PTPRN2: variants seen among roughly 807,000 people sequenced by gnomAD.
The protein encoded by PTPRN2 is protein tyrosine phosphatase receptor type N2.
In PTPRN2, 74 loss-of-function variants were observed where a neutral mutation model predicts 118.8. The observed-to-expected ratio is 0.62, with a 90% CI of 0.52 to 0.76. The LOEUF (loss-of-function observed/expected upper bound fraction) is 0.76. PTPRN2 is among the 30% of genes least tolerant of loss of function. The pLI, the probability that PTPRN2 is intolerant of heterozygous loss-of-function variation, is 0.00. For missense variants in PTPRN2, 1,481 were observed against 1,394.4 expected (o/e 1.06, Z -0.99); for synonymous variants, 641 against 608.0 (o/e 1.05, Z -0.80).
intron 14 of PTPRN2, among the ~76,000 whole-genome samples, chr7:157,650,577 C>G (rs1437092064): frequency 6.6e-6 from 1 of 152,170 alleles, no homozygotes; most frequent in Non-Finnish European, 1.5e-5. Flanking sequence ...GCCGCGTGGC[C>G]CCAGAGTGAA....
Position 158,555,582 on chromosome 7 carries a change from A to G in PTPRN2, c.112+31976T>C, listed in dbSNP as rs1365065166. Among the ~76,000 whole-genome samples, 3 of 152,070 alleles carry G rather than the reference A, an allele frequency of 2.0e-5. No individual in the cohort carries two copies. Among genetic ancestry groups the G allele is most frequent in the African/African-American group, 7.2e-5 (3 of 41,414 alleles). On this transcript the variant is annotated intron_variant, in intron 1 of 22. Transcript: ENST00000389418. The surrounding 1 kb of genome is among the most constrained non-coding windows in gnomAD (Gnocchi z 4.7). Reference sequence around the variant, plus strand: ...TGGCAGAAGAATATATTTCCACTCAACTGGCATCTTCCAGCTGTCCCCCAG... The same window carrying G: ...TGGCAGAAGAATATATTTCCACTCAGCTGGCATCTTCCAGCTGTCCCCCAG...
At chr7:158,237,885 T>C (rs983058775) in intron 3 of PTPRN2, among the ~76,000 whole-genome samples, 2 of 152,114 alleles carry the variant, frequency 1.3e-5, no homozygotes, top group African/African-American at 4.8e-5. Context: ...AAGGACACCC[T>C]TCCCTCACGC....
intron 11 of PTPRN2, among the ~76,000 whole-genome samples, chr7:158,060,623 T>C (rs565767476): frequency 1.3e-5 from 2 of 152,362 alleles, no homozygotes; most frequent in South Asian, 4.1e-4. Flanking sequence ...AATCCACAGG[T>C]AGCAGGGGTT....
At chr7:157,620,940 C>A (rs961734400) in intron 15 of PTPRN2, among the ~76,000 whole-genome samples, 2 of 147,946 alleles carry the variant, frequency 1.4e-5, no homozygotes, top group African/African-American at 5.0e-5. Context: ...CGCCTGTAAC[C>A]CAGGCCTCCT....
At chr7:157,701,502 C>T (rs1798063475) in intron 12 of PTPRN2, among the ~76,000 whole-genome samples, 2 of 152,214 alleles carry the variant, frequency 1.3e-5, no homozygotes, top group South Asian at 4.1e-4. Context: ...ACTGCCATTT[C>T]TGTGCTTCTA....
chr7:158,188,022 C>T (rs1193235848), intron 5 of PTPRN2, among the ~76,000 whole-genome samples: 1 of 152,126 alleles, frequency 6.6e-6, no homozygotes, highest in Non-Finnish European at 1.5e-5. Context: ...GTGGAAGATG[C>T]TCCTCCTCCA....
chr7:157,568,071 G>A (rs1301009481), intron 21 of PTPRN2, among the ~76,000 whole-genome samples: 1 of 152,198 alleles, frequency 6.6e-6, no homozygotes, highest in East Asian at 1.9e-4. Flanking sequence ...AAATGCCAGA[G>A]CTCAATCCCC....
intron 12 of PTPRN2, among the ~76,000 whole-genome samples, chr7:157,783,435 T>TCGTC (rs1803808891): frequency 6.6e-6 from 1 of 151,040 alleles, no homozygotes; most frequent in Non-Finnish European, 1.5e-5. Context: ...AACGCATGTC[T>TCGTC]GAGCCTGATG....
intron 12 of PTPRN2, among the ~76,000 whole-genome samples, chr7:157,790,794 T>C (rs1804439251): frequency 6.6e-6 from 1 of 152,222 alleles, no homozygotes; most frequent in Non-Finnish European, 1.5e-5. Context: ...CTATTTCCTA[T>C]AGACAAATAG....
At chr7:158,192,529 A>G (rs760275602) in intron 4 of PTPRN2, 34 bp from the exon 5 acceptor site, 1 of 1,557,748 alleles carries the variant, frequency 6.4e-7, no homozygotes. Flanking sequence ...CATCAACCGC[A>G]TGTTTGCTGG....
At chr7:157,582,552 G>A (rs573848176) in intron 17 of PTPRN2, among the ~76,000 whole-genome samples, 43 of 152,250 alleles carry the variant, frequency 2.8e-4, no homozygotes, top group African/African-American at 1.0e-3. Context: ...CTATACGGTA[G>A]CAATGTGAGT....
At chr7:157,713,240 T>C (rs1798739933) in intron 12 of PTPRN2, among the ~76,000 whole-genome samples, 1 of 152,036 alleles carries the variant, frequency 6.6e-6, no homozygotes, top group African/African-American at 2.4e-5. Flanking sequence ...TAGCACTGCA[T>C]GGTCCAAAAG....
intron 12 of PTPRN2, among the ~76,000 whole-genome samples, chr7:157,752,440 C>T (rs145213640): frequency 7.5e-4 from 114 of 152,340 alleles, no homozygotes; most frequent in Middle Eastern, 3.4e-3. Context: ...CCTTCCTGGG[C>T]AGCCCAGGCC....
rs1018963818 is a variant in PTPRN2 at position 158,252,009 on chromosome 7, AG to A, written c.278-46737del. 1.4e-4 allele frequency among the ~76,000 whole-genome samples: 22 copies of A among 152,250 alleles called. No homozygotes were observed. In the East Asian group the frequency reaches 3.9e-3, roughly 27 times the overall value. ...CCAGGCTCAGGGCAGGTCCCAGCAA[AG>A]CCCCTTCTTGGCTCTGGCCTCCTCA... On this transcript the variant is annotated intron_variant, in intron 3 of 22. Coordinates refer to ENST00000389418, the MANE Select transcript of PTPRN2 (RefSeq NM_002847.5).
At chr7:158,056,877 G>A (rs1050307593) in intron 11 of PTPRN2, among the ~76,000 whole-genome samples, 1 of 152,242 alleles carries the variant, frequency 6.6e-6, no homozygotes, top group African/African-American at 2.4e-5. Context: ...CAGCATGGTG[G>A]AAGCAGGTGC....
Position 157,808,576 on chromosome 7 carries a change from G to C in PTPRN2, c.1788+90097C>G, listed in dbSNP as rs1198165090. On this transcript the variant is annotated intron_variant, in intron 12 of 22. Coordinates refer to ENST00000389418, the MANE Select transcript of PTPRN2 (RefSeq NM_002847.5). The surrounding 1 kb of genome is among the most constrained non-coding windows in gnomAD (Gnocchi z 5.0). ...CACCCCCAGATGGGACCAGCCAGTT[G>C]CAGGAAAACAAGCTCAGGGCACCCA... 2.0e-5 allele frequency among the ~76,000 whole-genome samples: 3 copies of C among 152,202 alleles called. No individual in the cohort carries two copies. Among genetic ancestry groups the C allele is most frequent in the African/African-American group, 4.8e-5 (2 of 41,440 alleles).
At chr7:158,491,770 G>A (rs536321474) in intron 1 of PTPRN2, among the ~76,000 whole-genome samples, 11 of 152,334 alleles carry the variant, frequency 7.2e-5, no homozygotes, top group South Asian at 4.1e-4. Flanking sequence ...GATTACAGGC[G>A]TGAGCCACCG....
intron 2 of PTPRN2, among the ~76,000 whole-genome samples, chr7:158,414,765 G>A (rs1224136585): frequency 6.6e-6 from 1 of 152,252 alleles, no homozygotes; most frequent in Non-Finnish European, 1.5e-5. Flanking sequence ...TGTGTTGAAA[G>A]TGGGGGAGGG....
intron 11 of PTPRN2, among the ~76,000 whole-genome samples, chr7:157,955,011 GT>G (rs1172423099): frequency 6.6e-6 from 1 of 152,174 alleles, no homozygotes. Context: ...TTTCTGGGTA[GT>G]GTGGGAGTGA....
Sources: gnomAD v4.1 joint callset for allele counts (sites outside exome capture counted in the v4.1 genomes callset) on GRCh38, gnomAD v4.1.1 for gene constraint, Gnocchi (gnomAD v3.1) non-coding constraint, MANE v1.5 for transcripts, NCBI Gene and HGNC (gene_info 2026-07-23, HGNC 2026-07-21) for gene names.